Variants in SCOC observed in about 807,000 individuals in gnomAD.
The protein encoded by SCOC is short coiled coil protein.
In SCOC, 7 loss-of-function variants were observed where a neutral mutation model predicts 9.9. The ratio of observed to expected loss-of-function variants is 0.71; its 90% confidence interval spans 0.40 to 1.33. SCOC has a LOEUF of 1.33. Among genes scored for constraint, SCOC ranks in the 40% most tolerant of loss-of-function variants. The pLI, the probability that SCOC is intolerant of heterozygous loss-of-function variation, is 0.01. For synonymous variants in SCOC, 19 were observed against 28.2 expected, an observed-to-expected ratio of 0.67 and a Z score of 1.03; for missense variants, 66 against 89.7, an observed-to-expected ratio of 0.74 and a Z score of 1.07.
At chr4:140,336,533 C>T (rs1487521635) in intron 1 of SCOC, among the ~76,000 whole-genome samples, 1 of 152,090 alleles carries the variant, frequency 6.6e-6, no homozygotes, top group Non-Finnish European at 1.5e-5. Flanking sequence ...TGAGGTTTAT[C>T]TAAGTTTTAG....
intron 1 of SCOC, among the ~76,000 whole-genome samples, chr4:140,294,305 G>A (rs1560687389): frequency 6.6e-6 from 1 of 152,210 alleles, no homozygotes; most frequent in Non-Finnish European, 1.5e-5. Flanking sequence ...GGAGGGGACA[G>A]TAACCTGCAT....
At chr4:140,355,571 T>C (rs10009892) in intron 2 of SCOC, among the ~76,000 whole-genome samples, 116,855 of 151,996 alleles carry the variant, frequency 0.77, 45,782 homozygotes, top group Non-Finnish European at 0.85. Flanking sequence ...ATTTCTGCAT[T>C]GTACTGACTA....
At chr4:140,321,260 T>C (rs1266664359) in intron 1 of SCOC, among the ~76,000 whole-genome samples, 1 of 152,160 alleles carries the variant, frequency 6.6e-6, no homozygotes, top group African/African-American at 2.4e-5. Context: ...TACTGCCCTG[T>C]ATAACATATT....
intron 1 of SCOC, among the ~76,000 whole-genome samples, chr4:140,304,061 A>ACTAT (rs1176609581): frequency 1.3e-5 from 2 of 152,178 alleles, no homozygotes; most frequent in African/African-American, 4.8e-5. Flanking sequence ...CACACATACA[A>ACTAT]CTATCCATCA....
chr4:140,348,683 C>A (rs535752171), intron 2 of SCOC, among the ~76,000 whole-genome samples: 1 of 152,180 alleles, frequency 6.6e-6, no homozygotes, highest in Admixed American at 6.5e-5. Context: ...TACGAGCATG[C>A]AGATATATTT....
upstream of SCOC, among the ~76,000 whole-genome samples, chr4:140,339,923 C>T (rs1266072621): frequency 2.0e-5 from 3 of 152,132 alleles, no homozygotes; most frequent in African/African-American, 7.2e-5. Flanking sequence ...ACTAGAAATA[C>T]CATTTGACCC....
chr4:140,328,830 G>C (rs1732727029), intron 1 of SCOC, among the ~76,000 whole-genome samples: 1 of 152,052 alleles, frequency 6.6e-6, no homozygotes, highest in Non-Finnish European at 1.5e-5. Context: ...CCAACCTACT[G>C]CTCCCAAAAA....
At chr4:140,362,075 G>A (rs1727497575) in intron 2 of SCOC, among the ~76,000 whole-genome samples, 1 of 122,848 alleles carries the variant, frequency 8.1e-6, no homozygotes, top group African/African-American at 2.8e-5. Context: ...CACAGACACA[G>A]CCCCTATCCC....
chr4:140,292,458 G>A (rs1255326872), intron 1 of SCOC, among the ~76,000 whole-genome samples: 1 of 152,072 alleles, frequency 6.6e-6, no homozygotes, highest in African/African-American at 2.4e-5. Context: ...CAGAGTGCTG[G>A]GATTACAGGC....
rs532491365 is a variant in SCOC, at chr4:140,279,529, A to T, written c.-19+22119A>T. ...TTGGATACTGGACACGCTAAATAAT[A>T]AGTACTAGATTGGAACATAAGAGGA... On this transcript the variant is annotated intron_variant, in intron 1 of 4. Coordinates refer to the SCOC transcript ENST00000394205. Among the ~76,000 whole-genome samples, 6 of 152,250 alleles carry T rather than the reference A, an allele frequency of 3.9e-5. No individual in the cohort carries two copies. The East Asian group carries it at 7.7e-4, about 20-fold the overall frequency.
chr4:140,283,403 AC>A (rs1731144190), intron 1 of SCOC, among the ~76,000 whole-genome samples: 2 of 152,224 alleles, frequency 1.3e-5, no homozygotes, highest in Admixed American at 1.3e-4. Flanking sequence ...TTTCTATGAC[AC>A]AGGAAAGCAA....
chr4:140,370,116 T>A (rs1176412738), upstream of SCOC, among the ~76,000 whole-genome samples: 5 of 152,172 alleles, frequency 3.3e-5, no homozygotes, highest in Non-Finnish European at 5.9e-5. Flanking sequence ...ACTTCCCCTG[T>A]GACCCATGGT....
intron 2 of SCOC, among the ~76,000 whole-genome samples, chr4:140,367,257 A>G (rs1317500464): frequency 6.6e-6 from 1 of 152,252 alleles, no homozygotes; most frequent in South Asian, 2.1e-4. Flanking sequence ...AAATAAATAA[A>G]TAAAAATATT....
intron 1 of SCOC, among the ~76,000 whole-genome samples, chr4:140,299,869 C>T (rs1327416299): frequency 6.6e-6 from 1 of 152,172 alleles, no homozygotes; most frequent in Admixed American, 6.5e-5. Flanking sequence ...CTTCACAGTC[C>T]TTTGTTCTCC....
intron 1 of SCOC, among the ~76,000 whole-genome samples, chr4:140,287,251 A>G (rs1477963944): frequency 6.6e-6 from 1 of 151,318 alleles, no homozygotes; most frequent in Non-Finnish European, 1.5e-5. Flanking sequence ...ATGTACACAC[A>G]TGCTAAATGC....
intron 2 of SCOC, among the ~76,000 whole-genome samples, chr4:140,355,211 T>TTTTA (rs1727159352): frequency 1.6e-5 from 1 of 61,424 alleles, no homozygotes; most frequent in Non-Finnish European, 4.1e-5. Flanking sequence ...CATTATATTT[T>TTTTA]TATATATATA....
At chr4:140,311,838 C>T (rs61276992) in intron 1 of SCOC, among the ~76,000 whole-genome samples, 20,548 of 152,078 alleles carry the variant, frequency 0.14, 1,666 homozygotes, top group African/African-American at 0.22. Flanking sequence ...TGAACAATGC[C>T]TGGCAAGTAG....
At chr4:140,351,835 G>A (rs1208130863) in intron 2 of SCOC, among the ~76,000 whole-genome samples, 1 of 152,086 alleles carries the variant, frequency 6.6e-6, no homozygotes, top group Non-Finnish European at 1.5e-5. Context: ...GCTAAAGAAG[G>A]AAATAGACTT....
In SCOC at chr4:140,384,376, C is replaced by G. The variant is rs1728647018; in HGVS notation, c.*3272C>G. The G allele has an allele frequency of 6.6e-6, 1 of 152,278 alleles. No homozygotes were observed. The highest frequency in any genetic ancestry group is 1.9e-4 in the East Asian group (1 of 5,182). 9.4% of individuals were successfully genotyped at this position (152,278 alleles called of 1,614,324 possible). ...GACTGTGTCCAGCTTCTGGAAAAGA[C>G]TCGACCAAATTTTAGACAGGCACCT... On this transcript the variant is annotated 3_prime_UTR_variant, in exon 4 of 4. Transcript: ENST00000608372.
Sources: allele counts gnomAD v4.1 joint callset (sites outside exome capture counted in the v4.1 genomes callset), GRCh38; gene constraint gnomAD v4.1.1; transcripts MANE v1.5; gene names NCBI Gene and HGNC (gene_info 2026-07-23, HGNC 2026-07-21).